Variants in PCSK1 observed in about 807,000 individuals in gnomAD.
The protein encoded by PCSK1 is proprotein convertase subtilisin/kexin type 1.
A neutral mutation model predicts 90.6 loss-of-function variants in PCSK1; 56 were observed. The ratio of observed to expected loss-of-function variants is 0.62; its 90% confidence interval spans 0.50 to 0.77. The LOEUF (loss-of-function observed/expected upper bound fraction) is 0.77, where lower values mean the gene tolerates loss of function less well. Ranked by LOEUF, PCSK1 falls within the 30% of genes least tolerant of loss-of-function variation. The pLI, the probability that PCSK1 is intolerant of heterozygous loss-of-function variation, is 0.00. For synonymous variants in PCSK1, 348 were observed against 342.4 expected, an observed-to-expected ratio of 1.02 and a Z score of -0.18; for missense variants, 801 against 932.6, an observed-to-expected ratio of 0.86 and a Z score of 1.84.
intron 9 of PCSK1, among the ~76,000 whole-genome samples, chr5:96,407,978 G>A (rs1444998078): frequency 1.3e-5 from 2 of 152,080 alleles, no homozygotes; most frequent in African/African-American, 2.4e-5. Context: ...TTGTAGAATG[G>A]GTTTTAAAAA....
intron 1 of PCSK1, chr5:96,432,042 GGCAACAATAA>G: frequency 7.1e-7 from 1 of 1,414,126 alleles, no homozygotes. Context: ...CACTTGGACA[GGCAACAATAA>G]GCTGAAATTC....
chr5:96,400,662 T>C (rs1468341314), intron 9 of PCSK1, among the ~76,000 whole-genome samples: 2 of 152,242 alleles, frequency 1.3e-5, no homozygotes, highest in Non-Finnish European at 2.9e-5. Flanking sequence ...GGCTACCTGC[T>C]GTAAACATGT....
In PCSK1 at chr5:96,391,083, T is replaced by A. The variant is rs1002457414; in HGVS notation, c.*1918A>T. ...CCTTTTTAGTTTTAATACTTTTTGA[T>A]ATGCTCCAATATTGGAAATTCTATC... On this transcript the variant is annotated 3_prime_UTR_variant, in exon 14 of 14. Coordinates refer to ENST00000311106, the MANE Select transcript of PCSK1 (RefSeq NM_000439.5). The A allele has an allele frequency of 1.3e-5, 2 of 152,282 alleles. No individual in the cohort carries two copies. The highest frequency in any genetic ancestry group is 4.8e-5 in the African/African-American group (2 of 41,460). The allele number at this position is 152,282 out of a possible 1,614,324, so 9.4% of individuals were successfully genotyped here.
intron 11 of PCSK1, among the ~76,000 whole-genome samples, chr5:96,398,344 C>T (rs1056389320): frequency 6.6e-6 from 1 of 152,120 alleles, no homozygotes; most frequent in Non-Finnish European, 1.5e-5. Flanking sequence ...TTATGGTTCA[C>T]GAGCTCTTTC....
Position 96,432,937 on chromosome 5 carries a change from C to A in PCSK1, c.106G>T (p.Ala36Ser). The A allele has an allele frequency of 6.2e-7, 1 of 1,614,194 alleles. No individual in the cohort carries two copies. The highest frequency in any genetic ancestry group is 8.5e-7 in the Non-Finnish European group (1 of 1,179,996). ...KAKRQFVNEW[A>S]AEIPGGPEAA... ...TCCGGGCCCCCGGGGATCTCCGCTG[C>A]CCATTCATTGACAAATTGCCTTTTC... The change falls in exon 1 of 14, where the codon GCA (alanine) becomes TCA (serine). Residue 36 changes from alanine (A) to serine (S), a missense_variant. Transcript: ENST00000311106.
intron 9 of PCSK1, among the ~76,000 whole-genome samples, chr5:96,406,195 G>A (rs151261270): frequency 1.2e-3 from 179 of 152,242 alleles, no homozygotes; most frequent in Middle Eastern, 0.01. Context: ...TAGATGGAAA[G>A]ACTGAACCCC....
chr5:96,415,805 AT>A (rs11368471), intron 6 of PCSK1, among the ~76,000 whole-genome samples: 1 of 151,130 alleles, frequency 6.6e-6, no homozygotes, highest in Non-Finnish European at 1.5e-5. Context: ...ACATTTCCAC[AT>A]TTTTTTTTCC....
chr5:96,419,421 C>G (rs1761046671), intron 5 of PCSK1, among the ~76,000 whole-genome samples: 2 of 148,320 alleles, frequency 1.3e-5, no homozygotes, highest in Non-Finnish European at 3.0e-5. Flanking sequence ...ATACCTCTCT[C>G]TCTCTCTCTC....
chr5:96,399,590 C>T (rs1398568548), intron 10 of PCSK1, among the ~76,000 whole-genome samples: 2 of 152,036 alleles, frequency 1.3e-5, no homozygotes, highest in Non-Finnish European at 2.9e-5. Context: ...AACTGGTTGG[C>T]AAGTACTGCA....
chr5:96,423,230 C>T, intron 4 of PCSK1, 83 bp downstream of exon 4: 4 of 1,335,346 alleles, frequency 3.0e-6, no homozygotes, highest in Non-Finnish European at 4.2e-6. Context: ...AGAGCAGCAT[C>T]CCCTTGAAAA....
chr5:96,394,259 T>C (rs999114919), intron 13 of PCSK1, among the ~76,000 whole-genome samples: 5 of 152,226 alleles, frequency 3.3e-5, no homozygotes, highest in African/African-American at 1.2e-4. Flanking sequence ...TTTCTCACCA[T>C]CTGATAGAAG....
At chr5:96,428,375 G>T (rs1379390345) in intron 2 of PCSK1, among the ~76,000 whole-genome samples, 1 of 152,098 alleles carries the variant, frequency 6.6e-6, no homozygotes. Context: ...GATATCAGGC[G>T]AATCAGGATA....
chr5:96,430,686 T>C (rs974994870), intron 1 of PCSK1, among the ~76,000 whole-genome samples: 1 of 152,246 alleles, frequency 6.6e-6, no homozygotes, highest in Admixed American at 6.5e-5. Flanking sequence ...ATCAGCCTTC[T>C]ACAAAGAATT....
chr5:96,407,695 A>G (rs1760620274), intron 9 of PCSK1, among the ~76,000 whole-genome samples: 1 of 152,226 alleles, frequency 6.6e-6, no homozygotes, highest in South Asian at 2.1e-4. Context: ...TGTTTATACA[A>G]TGGAACACTG....
rs147381652 is a variant in PCSK1, at chr5:96,412,366, C to A, written c.834G>T (p.Glu278Asp). 1 of 1,614,068 alleles carries A rather than the reference C, an allele frequency of 6.2e-7. No homozygotes were observed. Among genetic ancestry groups the A allele is most frequent in the Non-Finnish European group, 8.5e-7 (1 of 1,180,022 alleles). The change falls in exon 7 of 14, where the codon GAG becomes GAT. Residue 278 changes from glutamate to aspartate, a missense_variant. Coordinates refer to ENST00000311106, the MANE Select transcript of PCSK1 (RefSeq NM_000439.5). Reference sequence around the variant, plus strand: ...CCTTCTGGGCTAGCCGGCCAGGCCCCTCCACAGTTTTCCCATCATCATTAG... The same window carrying A: ...CCTTCTGGGCTAGCCGGCCAGGCCCATCCACAGTTTTCCCATCATCATTAG... ...WGPNDDGKTV[E>D]GPGRLAQKAF...
Position 96,408,378 on chromosome 5 carries a change from C to A in PCSK1, c.1096-55G>T, listed in dbSNP as rs192059140. On this transcript the variant is annotated intron_variant, in intron 8 of 13. Coordinates refer to ENST00000311106, the MANE Select transcript of PCSK1 (RefSeq NM_000439.5). ...AGGGAGAACACGTGAGGAGTGTGGGCCTGTCTTGGGGGTTAACTGTACCAA... is the reference window on the plus strand; with the variant it reads ...AGGGAGAACACGTGAGGAGTGTGGGACTGTCTTGGGGGTTAACTGTACCAA... 82 of 1,297,514 alleles carry A rather than the reference C, an allele frequency of 6.3e-5. No homozygotes were observed. In the Admixed American group the frequency reaches 1.4e-3, roughly 23 times the overall value. 80.4% of individuals were successfully genotyped at this position (1,297,514 alleles called of 1,614,324 possible).
At chr5:96,395,162 G>T in intron 12 of PCSK1, 137 bp from the exon 13 acceptor site, 1 of 742,688 alleles carries the variant, frequency 1.3e-6, no homozygotes, top group Non-Finnish European at 2.3e-6. Flanking sequence ...GAAACCATTG[G>T]ATCCACTCTT....
chr5:96,417,938 G>A (rs1760986145), intron 5 of PCSK1, among the ~76,000 whole-genome samples: 1 of 152,176 alleles, frequency 6.6e-6, no homozygotes, highest in Non-Finnish European at 1.5e-5. Context: ...ATATTTCCAT[G>A]TATACAGGAT....
At chr5:96,399,869 C>CA (rs1760290933) in intron 10 of PCSK1, 84 bp downstream of exon 10, 6 of 1,087,998 alleles carry the variant, frequency 5.5e-6, no homozygotes, top group Admixed American at 1.9e-5. Flanking sequence ...AGGGTAGATA[C>CA]AAAAAAATCA....
Sources: gnomAD v4.1 joint callset for allele counts (sites outside exome capture counted in the v4.1 genomes callset) on GRCh38, gnomAD v4.1.1 for gene constraint, MANE v1.5 for transcripts, NCBI Gene and HGNC (gene_info 2026-07-23, HGNC 2026-07-21) for gene names.